The following LAMA2 variants were observed in gnomAD, a reference collection of about 807,000 sequenced individuals.
LAMA2 encodes laminin subunit alpha-2.
In LAMA2, 269 loss-of-function variants were observed where a neutral mutation model predicts 364.8. That is an observed-to-expected ratio of 0.74 (90% CI 0.67 to 0.82). LAMA2 has a LOEUF of 0.82. Among genes scored for constraint, LAMA2 ranks in the 40% least tolerant of loss-of-function variants. LAMA2 has a pLI of 0.00. For missense variants in LAMA2, 3,807 were observed against 3,873.2 expected (o/e 0.98, Z 0.45); for synonymous variants, 1,379 against 1,370.6 (o/e 1.01, Z -0.14).
chr6:129,190,304 G>T lies in LAMA2; in HGVS notation c.1567G>T (p.Val523Phe), dbSNP rs766736187. The change falls in exon 11 of 65, where the codon GTT (valine) becomes TTT (phenylalanine). Residue 523 changes from valine to phenylalanine, a missense_variant. Physicochemically the swap from Val to Phe is conservative, Grantham distance 50. This residue lies in a region of LAMA2 where 3,333 missense variants were observed against 3,345.7 expected (regional missense o/e 1.00). Transcript: ENST00000421865. ...KGCDECFCSG[V>F]SNRCQSSYWT... The stretch of plus-strand genomic sequence containing the variant: ...CTGCGATGAGTGTTTCTGTTCAGGG[G>T]TTTCAAACAGATGTCAGAGTTCCTA... The T allele has an allele frequency of 6.2e-7, 1 of 1,613,666 alleles. No homozygotes were observed. Among genetic ancestry groups the T allele is most frequent in the South Asian group, 1.1e-5 (1 of 91,076 alleles).
chr6:128,945,492 C>T (rs1358452235), intron 1 of LAMA2, among the ~76,000 whole-genome samples: 2 of 152,138 alleles, frequency 1.3e-5, no homozygotes, highest in African/African-American at 2.4e-5. Flanking sequence ...GTACCAATAA[C>T]TAGGGATAAG....
chr6:129,245,429 C>T (rs967523644), intron 12 of LAMA2, among the ~76,000 whole-genome samples: 9 of 152,058 alleles, frequency 5.9e-5, no homozygotes, highest in South Asian at 2.1e-4. Flanking sequence ...GCTGAACACA[C>T]AGTGCTCTGT....
chr6:128,921,697 G>GTTTTTTTTTTTTTTTT lies in LAMA2; in HGVS notation c.112+38341_112+38356dup, dbSNP rs547882651. ...CTCCTGAACTGTGAAATGAATGTCT[G>GTTTTTTTTTTTTTTTT]TTTTTTTTTTTTTTTTATTATTATT... is the stretch of plus-strand genomic sequence containing the variant. On this transcript the variant is annotated intron_variant, in intron 1 of 64. Transcript: ENST00000421865. 2.8e-3 allele frequency among the ~76,000 whole-genome samples: 335 copies of GTTTTTTTTTTTTTTTT among 117,832 alleles called. 5 individuals carry two copies. Among genetic ancestry groups the GTTTTTTTTTTTTTTTT allele is most frequent in the African/African-American group, 0.012 (320 of 26,514 alleles). The allele number at this position is 117,832 out of a possible 152,430, so 77.3% of individuals were successfully genotyped here. A position where few individuals can be genotyped will look rare whatever the true frequency, so the allele number is the denominator to read the frequency against.
intron 10 of LAMA2, among the ~76,000 whole-genome samples, chr6:129,186,870 T>C (rs1781258872): frequency 6.6e-6 from 1 of 151,794 alleles, no homozygotes; most frequent in Admixed American, 6.6e-5. Context: ...AGAAAATTCC[T>C]ACTTCCTTTG....
intron 4 of LAMA2, among the ~76,000 whole-genome samples, chr6:129,131,541 T>C (rs540478988): frequency 1.3e-5 from 2 of 152,300 alleles, no homozygotes; most frequent in African/African-American, 4.8e-5. Context: ...TTGCTAAATC[T>C]ACAGAAAACT....
At chr6:129,029,418 A>T (rs546040123) in intron 1 of LAMA2, among the ~76,000 whole-genome samples, 7 of 152,178 alleles carry the variant, frequency 4.6e-5, no homozygotes, top group South Asian at 2.1e-4. Flanking sequence ...ACGGATTAGG[A>T]ATATTTAATT....
At chr6:129,209,291 C>T (rs1299819150) in intron 12 of LAMA2, among the ~76,000 whole-genome samples, 4 of 152,086 alleles carry the variant, frequency 2.6e-5, no homozygotes, top group Non-Finnish European at 4.4e-5. Context: ...GCTCTTGATC[C>T]GAAACTCTTT....
At chr6:129,142,129 G>A (rs927977292) in intron 4 of LAMA2, among the ~76,000 whole-genome samples, 4 of 151,904 alleles carry the variant, frequency 2.6e-5, no homozygotes, top group Non-Finnish European at 5.9e-5. Context: ...TGGATATTAG[G>A]TTATTTCCAG....
At chr6:129,403,250 T>C (rs1562532342) in intron 39 of LAMA2, among the ~76,000 whole-genome samples, 1 of 119,946 alleles carries the variant, frequency 8.3e-6, no homozygotes, top group South Asian at 2.8e-4. Context: ...TTGGACAATA[T>C]ATGAACTATC....
chr6:129,047,491 A>G (rs1222262172), intron 1 of LAMA2, among the ~76,000 whole-genome samples: 1 of 152,178 alleles, frequency 6.6e-6, no homozygotes, highest in Non-Finnish European at 1.5e-5. Context: ...AGAAAAACAC[A>G]AGGCAGGAGG....
rs778869610 is a variant in LAMA2, at chr6:129,059,858, G to C, written c.358G>C (p.Glu120Gln). Residue 120 changes from glutamate (E) to glutamine (Q), a missense_variant, in exon 3 of 65, where the codon GAA becomes CAA. Around this residue, in one of 3 missense-constraint regions of LAMA2, gnomAD observed 394 missense variants for 403.5 expected, o/e 0.98. Coordinates refer to ENST00000421865, the MANE Select transcript of LAMA2 (RefSeq NM_000426.4). ...WQSPSIKNGI[E>Q]YHYVTITLDL... ...GAGTCCCAGTATTAAGAATGGAATC[G>C]AATACCATTATGTGACAATTACCCT... 1.2e-6 allele frequency: 2 copies of C among 1,601,558 alleles called. No individual in the cohort carries two copies. The highest frequency in any genetic ancestry group is 1.3e-5 in the African/African-American group (1 of 74,680).
At chr6:129,192,999 C>G in intron 12 of LAMA2, 146 bp downstream of exon 12, 1 of 881,750 alleles carries the variant, frequency 1.1e-6, no homozygotes, top group Non-Finnish European at 1.8e-6. Context: ...TTGAGTTGGG[C>G]GTTTCTTCCA....
intron 41 of LAMA2, chr6:129,437,004 C>T (rs2114758185): frequency 6.6e-6 from 1 of 151,988 alleles, no homozygotes; most frequent in East Asian, 1.9e-4. Context: ...GTAACTGTGA[C>T]CAATTTCTTT....
intron 4 of LAMA2, among the ~76,000 whole-genome samples, chr6:129,106,731 C>T (rs972341569): frequency 2.6e-5 from 4 of 151,614 alleles, no homozygotes; most frequent in Non-Finnish European, 5.9e-5. Flanking sequence ...ACATAAAATA[C>T]ATAATTTATT....
At chr6:129,247,105 A>C (rs1785803130) in intron 12 of LAMA2, among the ~76,000 whole-genome samples, 1 of 152,188 alleles carries the variant, frequency 6.6e-6, no homozygotes, top group Non-Finnish European at 1.5e-5. Flanking sequence ...TAATATTCCT[A>C]GGGGTGCATC....
intron 29 of LAMA2, among the ~76,000 whole-genome samples, chr6:129,329,975 A>C (rs886835582): frequency 6.6e-6 from 1 of 152,016 alleles, no homozygotes; most frequent in Non-Finnish European, 1.5e-5. Context: ...TCATAGGAGC[A>C]CAAACCCTAT....
intron 12 of LAMA2, among the ~76,000 whole-genome samples, chr6:129,206,917 T>A (rs546417161): frequency 6.6e-6 from 1 of 152,334 alleles, no homozygotes; most frequent in Admixed American, 6.5e-5. Flanking sequence ...GCTGACGGAA[T>A]TGAGCCAATT....
intron 1 of LAMA2, among the ~76,000 whole-genome samples, chr6:128,896,754 C>T (rs1010856624): frequency 1.3e-5 from 2 of 152,012 alleles, no homozygotes; most frequent in African/African-American, 4.8e-5. Context: ...TTTATTTATT[C>T]CTTTGGATAA....
chr6:129,469,649 C>T (rs1288197240), intron 51 of LAMA2, among the ~76,000 whole-genome samples: 1 of 151,768 alleles, frequency 6.6e-6, no homozygotes, highest in African/African-American at 2.4e-5. Flanking sequence ...CCAAAATGCT[C>T]ACATTACTTT....
Sources: allele counts gnomAD v4.1 joint callset (sites outside exome capture counted in the v4.1 genomes callset), GRCh38; gene constraint gnomAD v4.1.1; regional missense constraint gnomAD v4.1.1; transcripts MANE v1.5; gene names NCBI Gene and HGNC (gene_info 2026-07-23, HGNC 2026-07-21).